The following RADIL variants were observed in gnomAD, a reference collection of about 807,000 sequenced individuals.
RADIL encodes ras-associating and dilute domain-containing protein.
Under a neutral mutation model 97.6 loss-of-function variants are expected in RADIL, and 99 were observed. That is an observed-to-expected ratio of 1.01 (90% CI 0.86 to 1.20). The LOEUF (loss-of-function observed/expected upper bound fraction) is 1.20. RADIL is among the 50% of genes most tolerant of loss of function. The pLI, the probability that RADIL is intolerant of heterozygous loss-of-function variation, is 0.00. For synonymous variants in RADIL, 803 were observed against 691.8 expected (o/e 1.16, Z -2.52); for missense variants, 1,765 against 1,498.9 (o/e 1.18, Z -2.93).
intron 13 of RADIL, 107 bp downstream of exon 13, chr7:4,800,064 A>C: frequency 6.9e-7 from 1 of 1,442,110 alleles, no homozygotes; most frequent in Non-Finnish European, 9.2e-7. Context: ...TCCTCCCCGA[A>C]GGCCTTCCTG....
At chr7:4,850,857 G>A (rs140533811) in intron 2 of RADIL, among the ~76,000 whole-genome samples, 73 of 152,254 alleles carry the variant, frequency 4.8e-4, no homozygotes, top group African/African-American at 1.7e-3. Flanking sequence ...TGTGGAAAAC[G>A]TAAGTTAAAT....
At position 4,798,498 on chromosome 7, in the gene RADIL, T is replaced by C. The variant is rs1781979339; in HGVS notation, c.*880A>G. On this transcript the variant is annotated 3_prime_UTR_variant, in exon 15 of 15. Coordinates refer to ENST00000399583, the MANE Select transcript of RADIL (RefSeq NM_018059.5). Reference sequence around the variant, plus strand: ...GGGCGCGGAAGCCACCCACACCCAGTTGGTGGAGCTGCTGAGGATGCCCAG... The same window carrying C: ...GGGCGCGGAAGCCACCCACACCCAGCTGGTGGAGCTGCTGAGGATGCCCAG... 1 of 152,318 alleles carries C rather than the reference T, an allele frequency of 6.6e-6. No individual in the cohort carries two copies. The highest frequency in any genetic ancestry group is 1.5e-5 in the Non-Finnish European group (1 of 68,032). 9.4% of individuals were successfully genotyped at this position (152,318 alleles called of 1,614,324 possible). A position where few individuals can be genotyped will look rare whatever the true frequency, so the allele number is the denominator to read the frequency against.
At chr7:4,858,655 C>A (rs534658310) in intron 2 of RADIL, 6 of 152,506 alleles carry the variant, frequency 3.9e-5, no homozygotes, top group Non-Finnish European at 8.8e-5. Flanking sequence ...GTGGAATGAA[C>A]AAAACTTCTC....
chr7:4,809,541 C>A, intron 9 of RADIL: 1 of 985,460 alleles, frequency 1.0e-6, no homozygotes, highest in African/African-American at 1.7e-5. Flanking sequence ...CTCGGGAGCC[C>A]CCAGGCCCGC....
chr7:4,805,062 C>G (rs1315651315), intron 10 of RADIL, among the ~76,000 whole-genome samples: 4 of 152,100 alleles, frequency 2.6e-5, no homozygotes, highest in Non-Finnish European at 5.9e-5. Flanking sequence ...CCACTGCACT[C>G]CAGCCTGGAT....
intron 2 of RADIL, among the ~76,000 whole-genome samples, chr7:4,870,293 C>T (rs1164880484): frequency 1.3e-5 from 2 of 152,224 alleles, no homozygotes; most frequent in East Asian, 3.8e-4. Context: ...ACCCTCAAAA[C>T]AAAAGAACGA....
Position 4,832,178 on chromosome 7 carries a change from C to T in RADIL, c.1417G>A (p.Glu473Lys), listed in dbSNP as rs374694096. 9.3e-6 allele frequency: 15 copies of T among 1,611,558 alleles called. No individual in the cohort carries two copies. The African/African-American group carries it at 1.9e-4, about 20-fold the overall frequency. ...IARLIRETVWEKTKELAEKQA... is the reference protein window; with the variant it reads ...IARLIRETVWKKTKELAEKQA... ...TTCTCTGCTAGTTCTTTGGTTTTCT[C>T]CTACAATTACAAAGCGGGAGAAAAA... Residue 473 changes from glutamate to lysine, a missense_variant and splice_region_variant, in exon 5 of 15, where the codon GAG (glutamate) becomes AAG (lysine). Transcript: ENST00000399583.
intron 4 of RADIL, among the ~76,000 whole-genome samples, chr7:4,832,590 T>C (rs933624376): frequency 4.6e-5 from 7 of 151,676 alleles, no homozygotes; most frequent in African/African-American, 1.7e-4. Context: ...AATACAAAAA[T>C]TAGCCGGGTG....
chr7:4,805,325 T>G, intron 10 of RADIL: 5 of 435,886 alleles, frequency 1.1e-5, no homozygotes, highest in East Asian at 6.6e-5. Flanking sequence ...GAGCCTGGAG[T>G]TTGGAACTTG....
At chr7:4,801,568 G>C (rs911545615) in intron 12 of RADIL, 85 bp downstream of exon 12, 41 of 1,418,724 alleles carry the variant, frequency 2.9e-5, no homozygotes, top group African/African-American at 5.8e-5. Context: ...AGGACCCAAG[G>C]GGGGAACGAT....
At chr7:4,844,691 C>T (rs1038186043) in intron 2 of RADIL, among the ~76,000 whole-genome samples, 8 of 152,046 alleles carry the variant, frequency 5.3e-5, no homozygotes, top group African/African-American at 1.4e-4. Context: ...GCAGCCTCCA[C>T]CTAACTGGGC....
In RADIL at chr7:4,835,028, A is replaced by T. The variant is rs909831183; in HGVS notation, c.995T>A (p.Val332Glu). 1.9e-6 allele frequency: 3 copies of T among 1,610,586 alleles called. No individual in the cohort carries two copies. Among genetic ancestry groups the T allele is most frequent in the Non-Finnish European group, 2.5e-6 (3 of 1,179,038 alleles). The change falls in exon 4 of 15, where the codon GTG (valine) becomes GAG (glutamate). Residue 332 changes from valine (V) to glutamate (E), a missense_variant. Val to Glu is a moderately radical substitution (Grantham distance 121). Transcript: ENST00000399583. This position sits in a 1 kb window ranked among gnomAD's most constrained non-coding sequence, Gnocchi z 5.8. ...GAHISVNFSE[V>E]GHRTVVLHHG... ...GTGCAGCACCACGGTCCTGTGCCCCACCTCGGAGAAGTTGACGGAGATGTG... is the reference window on the plus strand; with the variant it reads ...GTGCAGCACCACGGTCCTGTGCCCCTCCTCGGAGAAGTTGACGGAGATGTG...
intron 2 of RADIL, among the ~76,000 whole-genome samples, chr7:4,844,080 T>G (rs1201315537): frequency 6.6e-6 from 1 of 152,098 alleles, no homozygotes; most frequent in Non-Finnish European, 1.5e-5. Flanking sequence ...CTGTAACCAC[T>G]TCTCTTCAAA....
rs1389010410 is a variant in RADIL at position 4,842,429 on chromosome 7, C to A, written c.536-5824G>T. ...GGGAGACAGCATGCAGCCACAGCCA[C>A]ACGGCTTTGTCTAGGCCACCCCCCT... is the stretch of plus-strand genomic sequence containing the variant. On this transcript the variant is annotated intron_variant, in intron 2 of 14. Coordinates refer to ENST00000399583, the MANE Select transcript of RADIL (RefSeq NM_018059.5). This position sits in a 1 kb window ranked among gnomAD's most constrained non-coding sequence, Gnocchi z 4.5. Among the ~76,000 whole-genome samples the A allele has an allele frequency of 6.6e-6, 1 of 152,188 alleles. No homozygotes were observed.
chr7:4,877,596 C>T lies in RADIL; in HGVS notation c.535+9G>A, dbSNP rs371015227. Reference sequence around the variant, plus strand: ...CCACGGCTCTTCCTGAACCTGTGGCCCCCCTCACCTGCCGTGATGGTGTCC... The same window carrying T: ...CCACGGCTCTTCCTGAACCTGTGGCTCCCCTCACCTGCCGTGATGGTGTCC... On this transcript the variant is annotated intron_variant, in intron 2 of 14. Transcript: ENST00000399583. 1.1e-5 allele frequency: 18 copies of T among 1,579,044 alleles called. No homozygotes were observed. The East Asian group carries it at 3.1e-4, about 27-fold the overall frequency.
chr7:4,850,559 G>A (rs914920417), intron 2 of RADIL, among the ~76,000 whole-genome samples: 1 of 152,238 alleles, frequency 6.6e-6, no homozygotes, highest in Admixed American at 6.5e-5. Flanking sequence ...GGTTTGAGGT[G>A]TGAGACGTGT....
At position 4,878,125 on chromosome 7, in the gene RADIL, C is replaced by T. The variant is rs368753312; in HGVS notation, c.15G>A (p.Thr5=). 1.9e-4 allele frequency: 301 copies of T among 1,560,080 alleles called. 1 individual carries two copies. The highest frequency in any genetic ancestry group is 6.0e-4 in the African/African-American group (44 of 73,824). ...TGGTGGGCGGGGACATGATGAAGTGCGTCCCATAAAACATGGTGGGTGAGG... is the reference window on the plus strand; with the variant it reads ...TGGTGGGCGGGGACATGATGAAGTGTGTCCCATAAAACATGGTGGGTGAGG... MFYG[T]HFIMSPPTKS... Residue 5 remains threonine (T), a synonymous_variant, in exon 2 of 15, where the codon ACG becomes ACA. Transcript: ENST00000399583. This position sits in a 1 kb window ranked among gnomAD's most constrained non-coding sequence, Gnocchi z 4.1.
chr7:4,864,168 G>A (rs1415308431), intron 2 of RADIL, among the ~76,000 whole-genome samples: 3 of 152,136 alleles, frequency 2.0e-5, no homozygotes, highest in African/African-American at 7.2e-5. Flanking sequence ...GGTCTTTGGT[G>A]ACCTCCATGT....
chr7:4,847,762 A>AC (rs1387555332), intron 2 of RADIL, among the ~76,000 whole-genome samples: 1 of 150,138 alleles, frequency 6.7e-6, no homozygotes, highest in Non-Finnish European at 1.5e-5. Flanking sequence ...AAAAAAAAAA[A>AC]AAAACACACA....
Sources: gnomAD v4.1 joint callset for allele counts (sites outside exome capture counted in the v4.1 genomes callset) on GRCh38, gnomAD v4.1.1 for gene constraint, Gnocchi (gnomAD v3.1) non-coding constraint, MANE v1.5 for transcripts, NCBI Gene and HGNC (gene_info 2026-07-23, HGNC 2026-07-21) for gene names.